NRG1: variants seen among roughly 807,000 people sequenced by gnomAD.
The protein encoded by NRG1 is pro-neuregulin-1, membrane-bound isoform.
Under a neutral mutation model 63.8 loss-of-function variants are expected in NRG1, and 18 were observed. That is an observed-to-expected ratio of 0.28 (90% CI 0.19 to 0.42). The LOEUF is 0.42. NRG1 is among the 10% of genes least tolerant of loss of function. The probability of loss-of-function intolerance (pLI) is 1.00; values close to 1 mark genes in which losing one functional copy is unlikely to be tolerated. For missense variants in NRG1, 762 were observed against 814.7 expected, an observed-to-expected ratio of 0.94 and a Z score of 0.79; for synonymous variants, 302 against 301.3, an observed-to-expected ratio of 1.00 and a Z score of -0.02.
intron 2 of NRG1, among the ~76,000 whole-genome samples, chr8:32,604,861 C>A (rs1311257224): frequency 7.6e-6 from 1 of 131,212 alleles, no homozygotes; most frequent in African/African-American, 3.1e-5. Context: ...CAGCAAATCA[C>A]AATGCTGCCC....
chr8:32,714,585 A>G (rs1033461979), intron 5 of NRG1, among the ~76,000 whole-genome samples: 4 of 152,244 alleles, frequency 2.6e-5, no homozygotes, highest in Admixed American at 1.3e-4. Context: ...GCTTTGATAA[A>G]AGGAGTGATG....
chr8:32,429,005 T>A (rs1191832725), intron 1 of NRG1, among the ~76,000 whole-genome samples: 2 of 152,142 alleles, frequency 1.3e-5, no homozygotes, highest in Non-Finnish European at 2.9e-5. Flanking sequence ...TTCATTCCAC[T>A]CCATGTGTTA....
intron 5 of NRG1, among the ~76,000 whole-genome samples, chr8:32,618,806 G>C (rs969974353): frequency 1.3e-5 from 2 of 152,180 alleles, no homozygotes; most frequent in Non-Finnish European, 2.9e-5. Context: ...GAGGGGAGGG[G>C]ATAAGGAGAG....
chr8:32,385,038 G>C (rs1172597021), intron 1 of NRG1, among the ~76,000 whole-genome samples: 1 of 152,066 alleles, frequency 6.6e-6, no homozygotes, highest in Non-Finnish European at 1.5e-5. Flanking sequence ...CTTGTTTTTT[G>C]AGACGGAGTC....
intron 1 of NRG1, among the ~76,000 whole-genome samples, chr8:31,978,183 C>G (rs1808505599): frequency 6.6e-6 from 1 of 152,030 alleles, no homozygotes; most frequent in African/African-American, 2.4e-5. Flanking sequence ...TTATTTCCTC[C>G]TTTAATTTAG....
intron 1 of NRG1, among the ~76,000 whole-genome samples, chr8:32,045,287 A>T (rs1241085515): frequency 2.0e-5 from 3 of 151,944 alleles, no homozygotes; most frequent in African/African-American, 7.2e-5. Context: ...CATGTACAAG[A>T]TATGTATGCT....
chr8:32,315,023 T>C (rs1273020139), intron 1 of NRG1, among the ~76,000 whole-genome samples: 1 of 147,352 alleles, frequency 6.8e-6, no homozygotes, highest in African/African-American at 2.6e-5. Context: ...CTGCAGACCC[T>C]CATCTAAGCT....
chr8:32,161,276 C>T (rs1478330803), intron 1 of NRG1, among the ~76,000 whole-genome samples: 2 of 151,940 alleles, frequency 1.3e-5, no homozygotes, highest in Admixed American at 6.6e-5. Flanking sequence ...AATGAATAAA[C>T]AATGAGAAAT....
intron 1 of NRG1, among the ~76,000 whole-genome samples, chr8:31,912,654 G>A (rs1383883745): frequency 6.7e-6 from 1 of 150,296 alleles, no homozygotes; most frequent in African/African-American, 2.5e-5. Flanking sequence ...TTCTTTGTAG[G>A]AGAAAGAAAG....
At chr8:32,439,201 T>C (rs1043406308) in intron 1 of NRG1, among the ~76,000 whole-genome samples, 1 of 152,184 alleles carries the variant, frequency 6.6e-6, no homozygotes, top group Non-Finnish European at 1.5e-5. Context: ...GATTCCTAAA[T>C]TATAAATTAG....
intron 1 of NRG1, among the ~76,000 whole-genome samples, chr8:31,980,282 C>T (rs1351197972): frequency 6.6e-6 from 1 of 151,932 alleles, no homozygotes; most frequent in African/African-American, 2.4e-5. Context: ...CAGGAAATGT[C>T]CTTTAGTCTC....
intron 1 of NRG1, among the ~76,000 whole-genome samples, chr8:31,783,448 A>G (rs1563397235): frequency 6.6e-6 from 1 of 152,126 alleles, no homozygotes; most frequent in Admixed American, 6.6e-5. Context: ...TCCCCCAGCC[A>G]CTGGAAAGAG....
At chr8:32,655,498 CCTT>C (rs1452194334) in intron 5 of NRG1, among the ~76,000 whole-genome samples, 1 of 152,106 alleles carries the variant, frequency 6.6e-6, no homozygotes. Context: ...ATATTGAATT[CCTT>C]CTTTGCCCTT....
intron 1 of NRG1, among the ~76,000 whole-genome samples, chr8:32,400,096 C>A (rs1425939513): frequency 2.6e-5 from 4 of 152,176 alleles, no homozygotes; most frequent in African/African-American, 9.7e-5. Context: ...AACATAAATA[C>A]TTAGGCTGCC....
intron 1 of NRG1, among the ~76,000 whole-genome samples, chr8:32,247,490 C>G (rs868459854): frequency 6.6e-6 from 1 of 152,176 alleles, no homozygotes; most frequent in African/African-American, 2.4e-5. Context: ...GGTGAAATAA[C>G]AAATCCTTTG....
intron 1 of NRG1, among the ~76,000 whole-genome samples, chr8:32,083,478 A>G (rs1053826263): frequency 2.0e-5 from 3 of 152,120 alleles, no homozygotes; most frequent in African/African-American, 7.2e-5. Flanking sequence ...TGTGTCTGGG[A>G]TAATGTGGCA....
chr8:32,288,256 G>T (rs1853777565), intron 1 of NRG1, among the ~76,000 whole-genome samples: 1 of 152,096 alleles, frequency 6.6e-6, no homozygotes, highest in African/African-American at 2.4e-5. Flanking sequence ...CAAGTTTATG[G>T]ATAGCATGAT....
At chr8:32,458,054 A>G (rs1354851981) in intron 1 of NRG1, among the ~76,000 whole-genome samples, 1 of 152,016 alleles carries the variant, frequency 6.6e-6, no homozygotes, top group African/African-American at 2.4e-5. Flanking sequence ...AATAGCTGGG[A>G]CTACAGGCAC....
At chr8:32,665,430 A>G (rs964207245) in intron 5 of NRG1, among the ~76,000 whole-genome samples, 1 of 152,170 alleles carries the variant, frequency 6.6e-6, no homozygotes, top group African/African-American at 2.4e-5. Flanking sequence ...CTGTGTGTTC[A>G]TTACATTCCA....
Sources: allele counts gnomAD v4.1 joint callset (sites outside exome capture counted in the v4.1 genomes callset), GRCh38; gene constraint gnomAD v4.1.1; transcripts MANE v1.5; gene names NCBI Gene and HGNC (gene_info 2026-07-23, HGNC 2026-07-21).